ERC2: variants seen among roughly 807,000 people sequenced by gnomAD.
ERC2 encodes the protein ELKS/RAB6-interacting/CAST family member 2.
ERC2 carries 42 observed loss-of-function variants against 114.8 expected under a neutral mutation model. The observed-to-expected ratio is 0.37, with a 90% CI of 0.29 to 0.47. ERC2 has a LOEUF of 0.47. ERC2 is among the 20% of genes least tolerant of loss of function. The pLI, the probability that ERC2 is intolerant of heterozygous loss-of-function variation, is 0.99. For synonymous variants in ERC2, 454 were observed against 425.5 expected (o/e 1.07, Z -0.82); for missense variants, 939 against 1,150.7 (o/e 0.82, Z 2.66).
chr3:56,210,791 C>T (rs901691553), intron 3 of ERC2, among the ~76,000 whole-genome samples: 12 of 152,282 alleles, frequency 7.9e-5, no homozygotes, highest in Non-Finnish European at 1.2e-4. Flanking sequence ...AGAAGACAAC[C>T]TGTATCTACA....
chr3:56,438,821 ATT>A (rs2062151728), intron 1 of ERC2, among the ~76,000 whole-genome samples: 1 of 152,198 alleles, frequency 6.6e-6, no homozygotes, highest in African/African-American at 2.4e-5. Context: ...TCCTCAGTGA[ATT>A]TACCTGCCTA....
chr3:55,586,383 G>C (rs1295881914), intron 17 of ERC2, among the ~76,000 whole-genome samples: 3 of 152,176 alleles, frequency 2.0e-5, no homozygotes, highest in Non-Finnish European at 4.4e-5. Flanking sequence ...CTTTATATTA[G>C]TCTATTTGAC....
At chr3:56,361,663 ACACC>A (rs2058962390) in intron 2 of ERC2, among the ~76,000 whole-genome samples, 1 of 152,256 alleles carries the variant, frequency 6.6e-6, no homozygotes, top group Non-Finnish European at 1.5e-5. Context: ...ACCATGGAAT[ACACC>A]CAAGGACATC....
chr3:55,860,007 A>G (rs1253172122), intron 14 of ERC2, among the ~76,000 whole-genome samples: 1 of 152,096 alleles, frequency 6.6e-6, no homozygotes, highest in Non-Finnish European at 1.5e-5. Flanking sequence ...TATTTAAAGC[A>G]CGTATTATGT....
chr3:56,179,930 A>G (rs1277420957), intron 3 of ERC2, among the ~76,000 whole-genome samples: 1 of 152,092 alleles, frequency 6.6e-6, no homozygotes, highest in Non-Finnish European at 1.5e-5. Context: ...ACCTAGATGA[A>G]TCAACCAGGG....
chr3:56,274,055 G>A (rs1344079569), intron 3 of ERC2, among the ~76,000 whole-genome samples: 1 of 152,192 alleles, frequency 6.6e-6, no homozygotes, highest in Non-Finnish European at 1.5e-5. Context: ...CAAACTCCAG[G>A]CCGCCAACCA....
intron 4 of ERC2, among the ~76,000 whole-genome samples, chr3:56,150,400 G>A (rs1389070780): frequency 6.6e-6 from 1 of 152,018 alleles, no homozygotes; most frequent in Non-Finnish European, 1.5e-5. Flanking sequence ...TTGTCATCAT[G>A]TTAAAAGGAG....
chr3:56,026,381 T>A (rs917316038), intron 7 of ERC2, among the ~76,000 whole-genome samples: 1 of 152,148 alleles, frequency 6.6e-6, no homozygotes, highest in Admixed American at 6.6e-5. Flanking sequence ...CGATCTCCAT[T>A]CTTAAGCAAC....
chr3:55,950,292 C>T (rs1248113443), intron 13 of ERC2, 133 bp downstream of exon 13: 9 of 1,085,492 alleles, frequency 8.3e-6, no homozygotes, highest in Non-Finnish European at 1.2e-5. Context: ...CTACTGGGTT[C>T]CCTGTTAGTG....
At chr3:56,365,468 T>C (rs1482924349) in intron 2 of ERC2, among the ~76,000 whole-genome samples, 2 of 152,236 alleles carry the variant, frequency 1.3e-5, no homozygotes, top group Admixed American at 6.5e-5. Context: ...CAAAATCAGC[T>C]AACAACACGT....
intron 5 of ERC2, among the ~76,000 whole-genome samples, chr3:56,140,855 C>T (rs1275391522): frequency 6.6e-6 from 1 of 152,074 alleles, no homozygotes; most frequent in African/African-American, 2.4e-5. Context: ...GAAACCCCCT[C>T]TCCACTAAAA....
rs1421164172 is a variant in ERC2, at chr3:56,204,620, A to T, written c.1075-31100T>A. Among the ~76,000 whole-genome samples the T allele has an allele frequency of 2.0e-5, 3 of 151,750 alleles. No individual in the cohort carries two copies. The South Asian group carries it at 6.2e-4, about 32-fold the overall frequency. ...TGGGTTCAAGTGATTCTCCTACCTC[A>T]GCCTCCTGAGTAGCTGGGATTACAG... On this transcript the variant is annotated intron_variant, in intron 3 of 17. Transcript: ENST00000288221.
intron 14 of ERC2, among the ~76,000 whole-genome samples, chr3:55,742,300 C>G (rs184352807): frequency 6.6e-6 from 1 of 152,258 alleles, no homozygotes; most frequent in Admixed American, 6.5e-5. Context: ...CTACTTCACT[C>G]CCCATTGCTG....
At chr3:55,705,316 C>T (rs2063425290) in intron 15 of ERC2, among the ~76,000 whole-genome samples, 1 of 152,060 alleles carries the variant, frequency 6.6e-6, no homozygotes, top group African/African-American at 2.4e-5. Context: ...GGAGATCGCA[C>T]AGTAAAGTGG....
intron 17 of ERC2, among the ~76,000 whole-genome samples, chr3:55,620,545 C>T (rs541876286): frequency 6.6e-6 from 1 of 152,330 alleles, no homozygotes; most frequent in South Asian, 2.1e-4. Flanking sequence ...CACCCTCTAA[C>T]CCCACCGTCT....
intron 6 of ERC2, among the ~76,000 whole-genome samples, chr3:56,112,428 GACAGACACAC>G (rs1318700192): frequency 4.1e-5 from 3 of 72,800 alleles, no homozygotes; most frequent in East Asian, 7.7e-4. Flanking sequence ...AGAAAAGACA[GACAGACACAC>G]ACACACACAC....
intron 2 of ERC2, among the ~76,000 whole-genome samples, chr3:56,351,344 C>A (rs2058545458): frequency 6.6e-6 from 1 of 152,014 alleles, no homozygotes; most frequent in Non-Finnish European, 1.5e-5. Flanking sequence ...TTGTACGCAT[C>A]CTTTTTCTTT....
At chr3:56,146,413 A>G (rs993092275) in intron 5 of ERC2, among the ~76,000 whole-genome samples, 1 of 152,380 alleles carries the variant, frequency 6.6e-6, no homozygotes, top group Admixed American at 6.5e-5. Context: ...AGAAAATATT[A>G]AAAACTGACC....
Position 55,655,327 on chromosome 3 carries a change from C to T in ERC2, c.*39+28467G>A, listed in dbSNP as rs553385976. ...TGTAGTACAAAGAAGAGTCTGCTTC[C>T]AGGAACCCAAACTCAGAAAACTCCT... On this transcript the variant is annotated intron_variant, in intron 17 of 17. Transcript: ENST00000288221. Among the ~76,000 whole-genome samples the T allele has an allele frequency of 2.6e-5, 4 of 152,244 alleles. No homozygotes were observed. In the South Asian group the frequency reaches 8.3e-4, roughly 32 times the overall value.
Sources: gnomAD v4.1 joint callset for allele counts (sites outside exome capture counted in the v4.1 genomes callset) on GRCh38, gnomAD v4.1.1 for gene constraint, MANE v1.5 for transcripts, NCBI Gene and HGNC (gene_info 2026-07-23, HGNC 2026-07-21) for gene names.